The following KLHL1 variants were observed in gnomAD, a reference collection of about 807,000 sequenced individuals.
The protein encoded by KLHL1 is kelch-like protein 1.
KLHL1 carries 47 observed loss-of-function variants against 77.7 expected under a neutral mutation model. The ratio of observed to expected loss-of-function variants is 0.60; its 90% CI spans 0.48 to 0.77. The LOEUF is 0.77. Among genes scored for constraint, KLHL1 ranks in the 30% least tolerant of loss-of-function variants. The pLI is 0.00. For synonymous variants in KLHL1, 360 were observed against 325.2 expected (o/e 1.11, Z -1.15); for missense variants, 925 against 910.8 (o/e 1.02, Z -0.20).
At chr13:70,098,879 C>T (rs1421786637) in intron 1 of KLHL1, among the ~76,000 whole-genome samples, 4 of 151,524 alleles carry the variant, frequency 2.6e-5, no homozygotes, top group Non-Finnish European at 5.9e-5. Flanking sequence ...GAATAAACAA[C>T]CACTAGATGG....
Position 69,837,586 on chromosome 13 carries a change from C to CTA in KLHL1, c.1414+1388_1414+1389dup, listed in dbSNP as rs572355271. Among the ~76,000 whole-genome samples the CTA allele has an allele frequency of 2.7e-3, 397 of 145,616 alleles. 1 individual carries two copies. The highest frequency in any genetic ancestry group is 4.5e-3 in the Non-Finnish European group (302 of 66,562). ...AAATATGTATAGATATATAGTTATA[C>CTA]TATATATATACACATACATCTCTCT... On this transcript the variant is annotated intron_variant, in intron 6 of 10. Transcript: ENST00000377844.
intron 1 of KLHL1, 107 bp from the exon 2 acceptor site, chr13:69,975,909 T>A: frequency 1.6e-6 from 2 of 1,282,178 alleles, no homozygotes; most frequent in Non-Finnish European, 2.0e-6. Context: ...TTAAGAAAAC[T>A]AATATATCTG....
chr13:69,721,484 G>A (rs1873061565), intron 8 of KLHL1, among the ~76,000 whole-genome samples: 1 of 151,482 alleles, frequency 6.6e-6, no homozygotes, highest in South Asian at 2.1e-4. Context: ...AGATATTTTG[G>A]GTTCGCAGAT....
At chr13:70,086,179 T>A (rs1017169070) in intron 1 of KLHL1, among the ~76,000 whole-genome samples, 1 of 151,238 alleles carries the variant, frequency 6.6e-6, no homozygotes, top group African/African-American at 2.4e-5. Context: ...CAACATGGAG[T>A]GTCAGGAAGC....
At chr13:69,924,950 C>T (rs1359561729) in intron 4 of KLHL1, among the ~76,000 whole-genome samples, 3 of 152,228 alleles carry the variant, frequency 2.0e-5, no homozygotes, top group Non-Finnish European at 4.4e-5. Flanking sequence ...CACCCTCCTG[C>T]AGTCAGCATG....
At chr13:69,756,271 T>C (rs1373752610) in intron 7 of KLHL1, among the ~76,000 whole-genome samples, 1 of 152,142 alleles carries the variant, frequency 6.6e-6, no homozygotes, top group African/African-American at 2.4e-5. Flanking sequence ...CCATACCTGA[T>C]ACAGAAAGGG....
chr13:69,858,472 C>T lies in KLHL1; in HGVS notation c.1228-19310G>A, dbSNP rs150678235. Among the ~76,000 whole-genome samples the T allele has an allele frequency of 7.2e-5, 11 of 152,122 alleles. No homozygotes were observed. In the East Asian group the frequency reaches 2.1e-3, roughly 29 times the overall value. ...GACATTCATTATAAAAATTAAATTA[C>T]TTTTCTCCTTGTAAAAATATGAGTT... On this transcript the variant is annotated intron_variant, in intron 5 of 10. Coordinates refer to ENST00000377844, the MANE Select transcript of KLHL1 (RefSeq NM_020866.3).
At chr13:69,802,739 G>A (rs1038122198) in intron 6 of KLHL1, among the ~76,000 whole-genome samples, 2 of 151,792 alleles carry the variant, frequency 1.3e-5, no homozygotes, top group African/African-American at 2.4e-5. Flanking sequence ...CCCCCATAGA[G>A]TTGTGAGCCC....
intron 1 of KLHL1, among the ~76,000 whole-genome samples, chr13:70,034,988 A>T (rs1875737722): frequency 6.6e-6 from 1 of 152,154 alleles, no homozygotes; most frequent in Admixed American, 6.5e-5. Context: ...TGATTTTTGT[A>T]GTTACAAATA....
intron 6 of KLHL1, among the ~76,000 whole-genome samples, chr13:69,818,217 A>ATTTTTT (rs1878195724): frequency 1.6e-5 from 2 of 124,430 alleles, no homozygotes; most frequent in African/African-American, 3.9e-5. Flanking sequence ...ACTCATAGGC[A>ATTTTTT]TCTTTTTTTT....
At chr13:70,042,977 C>A (rs1001288288) in intron 1 of KLHL1, among the ~76,000 whole-genome samples, 4 of 152,270 alleles carry the variant, frequency 2.6e-5, no homozygotes, top group African/African-American at 9.6e-5. Context: ...ATAATCCCAG[C>A]TCACTGCAAC....
intron 1 of KLHL1, among the ~76,000 whole-genome samples, chr13:70,039,049 T>C (rs1886307751): frequency 7.0e-6 from 1 of 142,792 alleles, no homozygotes; most frequent in African/African-American, 2.7e-5. Context: ...CCATATATCC[T>C]TTGCACATTT....
chr13:69,894,845 C>T (rs1566373591), intron 4 of KLHL1: 1 of 262,236 alleles, frequency 3.8e-6, no homozygotes, highest in Non-Finnish European at 7.6e-6. Context: ...GCATAGGTCT[C>T]CTTGGAGACC....
intron 4 of KLHL1, among the ~76,000 whole-genome samples, chr13:69,927,062 A>T (rs1882841885): frequency 6.6e-6 from 1 of 152,022 alleles, no homozygotes; most frequent in South Asian, 2.1e-4. Context: ...AGACACACAT[A>T]GTAATCAATG....
At chr13:69,951,067 A>G (rs1321030027) in intron 3 of KLHL1, among the ~76,000 whole-genome samples, 1 of 151,570 alleles carries the variant, frequency 6.6e-6, no homozygotes, top group Non-Finnish European at 1.5e-5. Context: ...TTTAGTTTAT[A>G]ATATAACTGA....
rs1877123961 is a variant in KLHL1 at position 69,796,778 on chromosome 13, C to A, written c.1599G>T (p.Trp533Cys). ...GTGTTGACATTGGTGGTAAGACAGT[C>A]CATGTCTTGGTTTTGGGATTGTAAC... ...VECYNPKTKT[W>C]TVLPPMSTHR... Residue 533 changes from tryptophan to cysteine, a missense_variant, in exon 7 of 11, where the codon TGG (tryptophan) becomes TGT (cysteine). By Grantham distance (215) the Trp-to-Cys change is radical (BLOSUM62 -2). Transcript: ENST00000377844. The A allele has an allele frequency of 1.2e-6, 2 of 1,613,636 alleles. No homozygotes were observed. Among genetic ancestry groups the A allele is most frequent in the South Asian group, 1.1e-5 (1 of 91,088 alleles).
intron 1 of KLHL1, among the ~76,000 whole-genome samples, chr13:70,051,177 A>G: frequency 6.6e-6 from 1 of 152,072 alleles, no homozygotes; most frequent in South Asian, 2.1e-4. Flanking sequence ...AATTTGGAGG[A>G]CTTGTAAATT....
intron 1 of KLHL1, among the ~76,000 whole-genome samples, chr13:70,021,244 A>G (rs1229358613): frequency 6.6e-6 from 1 of 152,076 alleles, no homozygotes; most frequent in Non-Finnish European, 1.5e-5. Context: ...TGCCTTTTCC[A>G]GAATGTCATA....
At chr13:69,833,978 C>A (rs1593871412) in intron 6 of KLHL1, among the ~76,000 whole-genome samples, 1 of 151,616 alleles carries the variant, frequency 6.6e-6, no homozygotes, top group South Asian at 2.1e-4. Context: ...GTGAAGTAAC[C>A]CAGCAATGGA....
Sources: gnomAD v4.1 joint callset for allele counts (sites outside exome capture counted in the v4.1 genomes callset) on GRCh38, gnomAD v4.1.1 for gene constraint, MANE v1.5 for transcripts, NCBI Gene and HGNC (gene_info 2026-07-23, HGNC 2026-07-21) for gene names.